XIRP2: variants seen among roughly 807,000 people sequenced by gnomAD.
XIRP2 encodes the protein xin actin-binding repeat-containing protein 2.
A neutral mutation model predicts 277.0 loss-of-function variants in XIRP2; 236 were observed. That is an observed-to-expected ratio of 0.85 (90% CI 0.77 to 0.95). The LOEUF (loss-of-function observed/expected upper bound fraction) is 0.95. Among genes scored for constraint, XIRP2 ranks in the 40% least tolerant of loss-of-function variants. The pLI is 0.00. For synonymous variants in XIRP2, 1,490 were observed against 1,416.5 expected (o/e 1.05, Z -1.17); for missense variants, 4,640 against 4,157.5 (o/e 1.12, Z -3.19).
In XIRP2 at chr2:167,171,089, G is replaced by T. The variant is rs142655519; in HGVS notation, c.562+35027G>T. Among the ~76,000 whole-genome samples the T allele has an allele frequency of 2.8e-3, 424 of 151,664 alleles. 1 individual carries two copies. The highest frequency in any genetic ancestry group is 9.2e-3 in the African/African-American group (380 of 41,402). On this transcript the variant is annotated intron_variant, in intron 3 of 10. Transcript: ENST00000409195. ...TAATTTTTGTATTTTTAGTAGAGAA[G>T]GAGTTTTGCCATGTTGGCCAGGCTG...
chr2:167,033,772 C>A (rs1041965927), intron 2 of XIRP2, among the ~76,000 whole-genome samples: 2 of 151,866 alleles, frequency 1.3e-5, no homozygotes, highest in African/African-American at 4.8e-5. Flanking sequence ...AATAGTATGC[C>A]CTGGGAAAAT....
intron 2 of XIRP2, among the ~76,000 whole-genome samples, chr2:167,023,670 T>C (rs1034516165): frequency 6.6e-6 from 1 of 152,100 alleles, no homozygotes; most frequent in African/African-American, 2.4e-5. Flanking sequence ...AGCTTTCTAC[T>C]TATGGCCAGC....
intron 2 of XIRP2, among the ~76,000 whole-genome samples, chr2:167,044,616 G>C (rs1020124234): frequency 6.6e-6 from 1 of 152,008 alleles, no homozygotes; most frequent in Non-Finnish European, 1.5e-5. Context: ...TAGCATTTCT[G>C]TGCACCACTA....
intron 3 of XIRP2, chr2:167,184,615 C>T (rs1189029016): frequency 1.4e-6 from 1 of 717,412 alleles, no homozygotes. Flanking sequence ...CCCCCAAGAA[C>T]AGCCTCAAAT....
chr2:167,041,265 A>G (rs1023037325), intron 2 of XIRP2, among the ~76,000 whole-genome samples: 1 of 152,180 alleles, frequency 6.6e-6, no homozygotes, highest in Non-Finnish European at 1.5e-5. Context: ...TAAAACCTAG[A>G]GTATCTTCTT....
chr2:166,903,594 C>A lies in XIRP2; in HGVS notation c.112C>A (p.Pro38Thr). The change falls in exon 2 of 11, where the codon CCT (proline) becomes ACT (threonine). Residue 38 changes from proline (P) to threonine (T), a missense_variant. By Grantham distance (38) the Pro-to-Thr change is conservative. Coordinates refer to ENST00000409195, the MANE Select transcript of XIRP2 (RefSeq NM_152381.6). ...GGACAGCCATTGTACAATTTTCCAGCCTCAGGAAAGCAAATTGCTTGCGCC... is the reference window on the plus strand; with the variant it reads ...GGACAGCCATTGTACAATTTTCCAGACTCAGGAAAGCAAATTGCTTGCGCC... Reference protein sequence around the residue: ...PRDSHCTIFQPQESKLLAPEG... With the variant: ...PRDSHCTIFQTQESKLLAPEG... The A allele has an allele frequency of 1.2e-6, 2 of 1,613,632 alleles. No individual in the cohort carries two copies. The highest frequency in any genetic ancestry group is 1.7e-6 in the Non-Finnish European group (2 of 1,179,770).
intron 3 of XIRP2, among the ~76,000 whole-genome samples, chr2:167,147,138 A>G (rs1212035090): frequency 6.6e-6 from 1 of 152,222 alleles, no homozygotes. Context: ...GAAATAAACA[A>G]TATCACAGAA....
chr2:167,218,837 T>A (rs1694334864), intron 5 of XIRP2, among the ~76,000 whole-genome samples: 2 of 152,200 alleles, frequency 1.3e-5, no homozygotes, highest in Admixed American at 1.3e-4. Context: ...CCCATTTCAT[T>A]GATTTCATTA....
intron 2 of XIRP2, among the ~76,000 whole-genome samples, chr2:166,995,651 A>G (rs1687202229): frequency 6.6e-6 from 1 of 152,268 alleles, no homozygotes; most frequent in Non-Finnish European, 1.5e-5. Context: ...TGGGGATAAA[A>G]GAAGCAATAA....
At chr2:167,257,151 G>A (rs1020626646) in intron 10 of XIRP2, among the ~76,000 whole-genome samples, 1 of 151,870 alleles carries the variant, frequency 6.6e-6, no homozygotes, top group African/African-American at 2.4e-5. Context: ...CATCTTCCTT[G>A]CTCCCTCTGC....
At chr2:167,011,991 C>T (rs79887329) in intron 2 of XIRP2, among the ~76,000 whole-genome samples, 3 of 151,972 alleles carry the variant, frequency 2.0e-5, no homozygotes, top group East Asian at 1.9e-4. Flanking sequence ...TGCTAGCGGT[C>T]TATCAATTTT....
chr2:167,057,181 C>T (rs527371114), intron 2 of XIRP2, among the ~76,000 whole-genome samples: 11 of 152,164 alleles, frequency 7.2e-5, no homozygotes, highest in South Asian at 4.2e-4. Context: ...CTGTACAAGC[C>T]GGCATGTTTC....
At chr2:167,163,281 T>C (rs1158398151) in intron 3 of XIRP2, among the ~76,000 whole-genome samples, 1 of 152,228 alleles carries the variant, frequency 6.6e-6, no homozygotes, top group Non-Finnish European at 1.5e-5. Context: ...TACACTCTAA[T>C]CAGCAATGTG....
At chr2:167,059,816 C>T (rs1689134374) in intron 2 of XIRP2, among the ~76,000 whole-genome samples, 1 of 152,174 alleles carries the variant, frequency 6.6e-6, no homozygotes, top group Admixed American at 6.5e-5. Flanking sequence ...GGCGGTGTGC[C>T]TTGCCTTGGT....
chr2:167,052,134 A>T (rs1473820749), intron 2 of XIRP2, among the ~76,000 whole-genome samples: 1 of 152,070 alleles, frequency 6.6e-6, no homozygotes, highest in African/African-American at 2.4e-5. Context: ...GTAGGGAAAA[A>T]ATAAATTACA....
chr2:166,911,374 T>C (rs1684694671), intron 2 of XIRP2, among the ~76,000 whole-genome samples: 1 of 152,138 alleles, frequency 6.6e-6, no homozygotes, highest in Non-Finnish European at 1.5e-5. Context: ...GTAATGGCCT[T>C]GTCTCTTTTG....
At chr2:166,908,478 T>C (rs1443030613) in intron 2 of XIRP2, among the ~76,000 whole-genome samples, 1 of 152,204 alleles carries the variant, frequency 6.6e-6, no homozygotes, top group African/African-American at 2.4e-5. Context: ...TTTTTTCTTG[T>C]AAGTTTGTTT....
rs1192004318 is a variant in XIRP2, at chr2:166,939,693, A to AC, written c.408+35803_408+35804insC. Among the ~76,000 whole-genome samples the AC allele has an allele frequency of 5.5e-3, 731 of 133,484 alleles. 8 individuals are homozygous for AC. Among genetic ancestry groups the AC allele is most frequent in the African/African-American group, 0.017 (616 of 36,522 alleles). The allele number at this position is 133,484 out of a possible 152,430, so 87.6% of individuals were successfully genotyped here. A position where few individuals can be genotyped will look rare whatever the true frequency, so the allele number is the denominator to read the frequency against. On this transcript the variant is annotated intron_variant, in intron 2 of 10. Transcript: ENST00000409195. The stretch of plus-strand genomic sequence containing the variant: ...AGACTCCATCACAAAAAAAAAAAAA[A>AC]AAAAACAAAAAACAAAAACAAAAAA...
intron 4 of XIRP2, among the ~76,000 whole-genome samples, chr2:167,212,781 G>A (rs1372327561): frequency 6.6e-6 from 1 of 152,088 alleles, no homozygotes; most frequent in Non-Finnish European, 1.5e-5. Context: ...AGCAAATATT[G>A]TGAGAAAGAA....
Sources: allele counts gnomAD v4.1 joint callset (sites outside exome capture counted in the v4.1 genomes callset), GRCh38; gene constraint gnomAD v4.1.1; transcripts MANE v1.5; gene names NCBI Gene and HGNC (gene_info 2026-07-23, HGNC 2026-07-21).